Variants in ZBTB4 observed in about 807,000 individuals in gnomAD.
ZBTB4 encodes zinc finger and BTB domain-containing protein 4.
In ZBTB4, 14 loss-of-function variants were observed where a neutral mutation model predicts 59.8. The observed-to-expected ratio is 0.23, with a 90% CI of 0.15 to 0.37. The LOEUF is 0.37. Among genes scored for constraint, ZBTB4 ranks in the 10% least tolerant of loss-of-function variants. ZBTB4 has a pLI of 1.00. For synonymous variants in ZBTB4, 587 were observed against 575.2 expected, an observed-to-expected ratio of 1.02 and a Z score of -0.29; for missense variants, 1,198 against 1,380.8, an observed-to-expected ratio of 0.87 and a Z score of 2.10.
At chr17:7,480,147 G>A (rs1022479698), upstream of ZBTB4, among the ~76,000 whole-genome samples, 1 of 152,090 alleles carries the variant, frequency 6.6e-6, no homozygotes, top group Non-Finnish European at 1.5e-5. Flanking sequence ...CTGCATACGG[G>A]GCACACACGA....
chr17:7,471,918 T>TA (rs1391190708), intron 1 of ZBTB4, among the ~76,000 whole-genome samples: 3 of 152,180 alleles, frequency 2.0e-5, no homozygotes, highest in Non-Finnish European at 2.9e-5. Flanking sequence ...TGTTTGTTCT[T>TA]ACCATTTCTC....
chr17:7,462,376 T>C lies in ZBTB4; in HGVS notation c.2606A>G (p.Tyr869Cys), dbSNP rs777453991. The C allele has an allele frequency of 1.2e-6, 2 of 1,613,758 alleles. No individual in the cohort carries two copies. Among genetic ancestry groups the C allele is most frequent in the East Asian group, 4.5e-5 (2 of 44,846 alleles). ...PVVASGGSYVYPPVQEFPLAL... is the reference protein window; with the variant it reads ...PVVASGGSYVCPPVQEFPLAL... ...CAGTGGAAATTCCTGCACAGGTGGG[T>C]ATACATAGCTGCCCCCGCTTGCCAC... The change falls in exon 4 of 4, where the codon TAC (tyrosine) becomes TGC (cysteine). Residue 869 changes from tyrosine (Y) to cysteine (C), a missense_variant. By Grantham distance (194) the Tyr-to-Cys change is radical. Around this residue, in one of 9 missense-constraint regions of ZBTB4, gnomAD observed 211 missense variants for 236.1 expected, o/e 0.89. Transcript: ENST00000380599. The surrounding 1 kb of genome is among the most constrained non-coding windows in gnomAD (Gnocchi z 7.5).
At chr17:7,469,804 C>T (rs969037660) in intron 1 of ZBTB4, among the ~76,000 whole-genome samples, 1 of 151,676 alleles carries the variant, frequency 6.6e-6, no homozygotes, top group Non-Finnish European at 1.5e-5. Context: ...AAAAAATAGG[C>T]CGGGCACGGT....
intron 3 of ZBTB4, among the ~76,000 whole-genome samples, chr17:7,464,415 G>A (rs1299334884): frequency 1.6e-5 from 2 of 124,128 alleles, no homozygotes; most frequent in African/African-American, 6.1e-5. Flanking sequence ...GACAGAGTGA[G>A]ACTCTGTCAA....
chr17:7,482,295 C>A, upstream of ZBTB4: 1 of 1,614,028 alleles, frequency 6.2e-7, no homozygotes, highest in Non-Finnish European at 8.5e-7. Context: ...CGAGGCCGGG[C>A]CTACTTCTAT....
chr17:7,471,935 T>A (rs1388293177), intron 1 of ZBTB4, among the ~76,000 whole-genome samples: 1 of 152,176 alleles, frequency 6.6e-6, no homozygotes, highest in Non-Finnish European at 1.5e-5. Flanking sequence ...TCTCTACTCT[T>A]CAGTGCCTGT....
At chr17:7,482,603 C>T (rs768202573), upstream of ZBTB4, 2 of 1,612,148 alleles carry the variant, frequency 1.2e-6, no homozygotes, top group Non-Finnish European at 1.7e-6. Flanking sequence ...GTCCCTGGGG[C>T]TTCTGGTCTA....
At chr17:7,472,190 CT>C (rs992472523) in intron 1 of ZBTB4, among the ~76,000 whole-genome samples, 11 of 151,942 alleles carry the variant, frequency 7.2e-5, no homozygotes, top group African/African-American at 2.4e-4. Flanking sequence ...CTTAGTAACA[CT>C]TTTTCTTTTT....
At chr17:7,475,150 T>G (rs1338722831) in intron 1 of ZBTB4, among the ~76,000 whole-genome samples, 1 of 151,534 alleles carries the variant, frequency 6.6e-6, no homozygotes, top group Non-Finnish European at 1.5e-5. Flanking sequence ...GAGACCAGCC[T>G]GGCCAACATG....
chr17:7,478,293 C>A (rs1177560966), intron 1 of ZBTB4, among the ~76,000 whole-genome samples: 1 of 152,188 alleles, frequency 6.6e-6, no homozygotes, highest in Non-Finnish European at 1.5e-5. Context: ...ACAACTGGCG[C>A]ATTCCACCTC....
upstream of ZBTB4, among the ~76,000 whole-genome samples, chr17:7,480,223 C>G (rs1438559088): frequency 6.6e-6 from 1 of 152,182 alleles, no homozygotes; most frequent in African/African-American, 2.4e-5. Flanking sequence ...GCAGATAGAT[C>G]CACATCTGTA....
At chr17:7,476,764 A>C (rs1249429164) in intron 1 of ZBTB4, among the ~76,000 whole-genome samples, 1 of 152,174 alleles carries the variant, frequency 6.6e-6, no homozygotes, top group Non-Finnish European at 1.5e-5. Flanking sequence ...TCAGGTTCTC[A>C]TGCCCTCAGC....
At chr17:7,473,827 G>A (rs549305218) in intron 1 of ZBTB4, among the ~76,000 whole-genome samples, 1 of 152,198 alleles carries the variant, frequency 6.6e-6, no homozygotes, top group Non-Finnish European at 1.5e-5. Context: ...TGGGATCATA[G>A]TGGAAAGCCA....
At chr17:7,465,675 C>T in intron 3 of ZBTB4, 36 bp downstream of exon 3, 1 of 1,562,080 alleles carries the variant, frequency 6.4e-7, no homozygotes, top group Non-Finnish European at 8.7e-7. Context: ...TGAGTGCCAG[C>T]CTCCAGCCGC....
rs888386831 is a variant in ZBTB4 at position 7,460,451 on chromosome 17, G to C, written c.*1489C>G. 1.3e-5 allele frequency: 2 copies of C among 152,478 alleles called. No homozygotes were observed. Among genetic ancestry groups the C allele is most frequent in the Admixed American group, 6.5e-5 (1 of 15,280 alleles). The allele number at this position is 152,478 out of a possible 1,614,324, so 9.4% of individuals were successfully genotyped here. On this transcript the variant is annotated 3_prime_UTR_variant, in exon 4 of 4. Coordinates refer to ENST00000380599, the MANE Select transcript of ZBTB4 (RefSeq NM_001128833.2). ...CCCAAAAACAGTAGCTGGGGAAAAG[G>C]CTGCCATTTTGATGACAGCAACTTT...
At position 7,466,455 on chromosome 17, in the gene ZBTB4, G is replaced by A. The variant is rs1173423392; in HGVS notation, c.347C>T (p.Ser116Phe). 1 of 1,613,068 alleles carries A rather than the reference G, an allele frequency of 6.2e-7. No individual in the cohort carries two copies. Among genetic ancestry groups the A allele is most frequent in the South Asian group, 1.1e-5 (1 of 90,886 alleles). Residue 116 changes from serine to phenylalanine, a missense_variant, in exon 3 of 4, where the codon TCT becomes TTT. Transcript: ENST00000380599. This position sits in a 1 kb window ranked among gnomAD's most constrained non-coding sequence, Gnocchi z 9.1. Reference protein sequence around the residue: ...SSSSSSPPPASPPASSPPRVL... With the variant: ...SSSSSSPPPAFPPASSPPRVL... ...CCGGGGTGGGGAAGAAGCAGGGGGA[G>A]AGGCTGGAGGGGGAGAGGAAGAGGA...
At chr17:7,482,032 A>C (rs1206486213), upstream of ZBTB4, 4 of 1,611,810 alleles carry the variant, frequency 2.5e-6, no homozygotes, top group Non-Finnish European at 3.4e-6. Flanking sequence ...CCACACACCC[A>C]TCGCCGCCCT....
At chr17:7,471,390 T>C (rs2070195441) in intron 1 of ZBTB4, among the ~76,000 whole-genome samples, 1 of 152,308 alleles carries the variant, frequency 6.6e-6, no homozygotes, top group South Asian at 2.1e-4. Flanking sequence ...TCTTGCCACG[T>C]TGCCCAGGCT....
In ZBTB4 at chr17:7,462,424, G is replaced by A; in HGVS notation, c.2558C>T (p.Ser853Leu). The change falls in exon 4 of 4, where the codon TCA (serine) becomes TTA (leucine). Residue 853 changes from serine to leucine, a missense_variant. Physicochemically the swap from Ser to Leu is moderately radical, Grantham distance 145 (BLOSUM62 -2). Coordinates refer to ENST00000380599, the MANE Select transcript of ZBTB4 (RefSeq NM_001128833.2). The surrounding 1 kb of genome is among the most constrained non-coding windows in gnomAD (Gnocchi z 7.5). ...CACTACTGGGGGCTCCTCACCCCCT[G>A]AAATGATAGGGTCCTGGAGTGAGGC... The part of the protein sequence containing the change: ...ETASLQDPII[S>L]GGEEPPVVAS... The A allele has an allele frequency of 6.2e-7, 1 of 1,613,968 alleles. No individual in the cohort carries two copies. The highest frequency in any genetic ancestry group is 1.1e-5 in the South Asian group (1 of 91,078).
Sources: allele counts gnomAD v4.1 joint callset (sites outside exome capture counted in the v4.1 genomes callset), GRCh38; gene constraint gnomAD v4.1.1; regional missense constraint gnomAD v4.1.1; non-coding constraint Gnocchi (gnomAD v3.1); transcripts MANE v1.5; gene names NCBI Gene and HGNC (gene_info 2026-07-23, HGNC 2026-07-21).